Variants in ZDHHC11B observed in about 807,000 individuals in gnomAD.
The protein encoded by ZDHHC11B is probable palmitoyltransferase ZDHHC11B.
ZDHHC11B carries 17 observed loss-of-function variants against 42.3 expected under a neutral mutation model. The ratio of observed to expected loss-of-function variants is 0.40; its 90% CI spans 0.27 to 0.60. The LOEUF is 0.60. ZDHHC11B is among the 20% of genes least tolerant of loss of function. The probability of loss-of-function intolerance (pLI) is 0.41; values close to 1 mark genes in which losing one functional copy is unlikely to be tolerated. For missense variants in ZDHHC11B, 262 were observed against 463.2 expected, an observed-to-expected ratio of 0.57 and a Z score of 3.99; for synonymous variants, 123 against 193.5, an observed-to-expected ratio of 0.64 and a Z score of 3.02.
chr5:717,982 A>T (rs41447549), intron 12 of ZDHHC11B, among the ~76,000 whole-genome samples: 3,116 of 151,190 alleles, frequency 0.021, 17 homozygotes, highest in African/African-American at 0.073. Context: ...AGAGAAGTGC[A>T]AGGAAAAATT....
At chr5:748,128 C>T (rs57785304) in intron 8 of ZDHHC11B, 40,938 of 543,024 alleles carry the variant, frequency 0.075, 5,875 homozygotes, top group African/African-American at 0.27. Context: ...TTCAAGCACC[C>T]GGCAGCGCTC....
chr5:770,262 G>T (rs1454775556), intron 1 of ZDHHC11B, among the ~76,000 whole-genome samples: 1 of 150,224 alleles, frequency 6.7e-6, no homozygotes, highest in Non-Finnish European at 1.5e-5. Context: ...TGGGCGTGAG[G>T]CCCCTCAGAC....
intron 10 of ZDHHC11B, among the ~76,000 whole-genome samples, chr5:739,169 C>G (rs1476223050): frequency 2.7e-5 from 4 of 150,646 alleles, no homozygotes. Context: ...GAGGCTGGGG[C>G]AGGCAGATCA....
chr5:751,452 C>T (rs1413080934), intron 6 of ZDHHC11B, among the ~76,000 whole-genome samples, 195 bp from the exon 7 acceptor site: 1 of 22,580 alleles, frequency 4.4e-5, no homozygotes, highest in African/African-American at 1.5e-4. Context: ...GGCAGGGACA[C>T]GCAGGGCATC....
Position 729,012 on chromosome 5 carries a change from C to CA in ZDHHC11B, c.1058+1421dup, listed in dbSNP as rs751272226. On this transcript the variant is annotated intron_variant, in intron 12 of 13. Transcript: ENST00000508859. Reference sequence around the variant, plus strand: ...TGGGTGACAGAGAAAGACCCTGTCTCAAAAAAAAAAAAAAATGTTGCTCCA... The same window carrying CA: ...TGGGTGACAGAGAAAGACCCTGTCTCAAAAAAAAAAAAAAAATGTTGCTCCA... 2.8e-3 allele frequency among the ~76,000 whole-genome samples: 377 copies of CA among 134,736 alleles called. 1 individual carries two copies. Among genetic ancestry groups the CA allele is most frequent in the Middle Eastern group, 0.012 (3 of 250 alleles). 88.4% of individuals were successfully genotyped at this position (134,736 alleles called of 152,430 possible).
At chr5:778,845 G>A (rs373273036) in intron 1 of ZDHHC11B, among the ~76,000 whole-genome samples, 8,532 of 101,354 alleles carry the variant, frequency 0.084, 19 homozygotes, top group African/African-American at 0.17. Context: ...CAAAATCCAC[G>A]CTGGAACCTA....
intron 13 of ZDHHC11B, among the ~76,000 whole-genome samples, chr5:714,176 G>T (rs1222153508): frequency 7.6e-6 from 1 of 130,764 alleles, no homozygotes. Flanking sequence ...CCTTGTAAGT[G>T]ACTTGCCACA....
intron 4 of ZDHHC11B, among the ~76,000 whole-genome samples, chr5:766,312 T>C (rs1735359966): frequency 6.6e-6 from 1 of 150,876 alleles, no homozygotes; most frequent in Non-Finnish European, 1.5e-5. Context: ...CCCCTGCCGC[T>C]GGAAGATGGG....
chr5:778,623 G>A (rs1267389291), intron 1 of ZDHHC11B, among the ~76,000 whole-genome samples: 7 of 152,232 alleles, frequency 4.6e-5, no homozygotes. Context: ...AGGCAGCTGG[G>A]ACCAGGCCAG....
chr5:758,594 G>A (rs1160605087), intron 4 of ZDHHC11B, among the ~76,000 whole-genome samples: 3 of 151,716 alleles, frequency 2.0e-5, no homozygotes, highest in Non-Finnish European at 4.4e-5. Context: ...TCCCGAGCCA[G>A]TCCCCAAACC....
At chr5:759,536 A>G (rs1216548333) in intron 4 of ZDHHC11B, among the ~76,000 whole-genome samples, 4 of 151,982 alleles carry the variant, frequency 2.6e-5, no homozygotes, top group African/African-American at 9.7e-5. Flanking sequence ...CAGATTAAAC[A>G]GAGTTACAGA....
chr5:763,093 GGC>G (rs2150208031), intron 4 of ZDHHC11B, among the ~76,000 whole-genome samples: 1 of 152,026 alleles, frequency 6.6e-6, no homozygotes, highest in South Asian at 2.1e-4. Flanking sequence ...CTATCAGCTA[GGC>G]GCGGTGGCTC....
Position 710,804 on chromosome 5 carries a change from GAATACTGT to G in ZDHHC11B, c.*1478_*1485del. 1 of 76,810 alleles carries G rather than the reference GAATACTGT, an allele frequency of 1.3e-5. No homozygotes were observed. Among genetic ancestry groups the G allele is most frequent in the East Asian group, 4.4e-4 (1 of 2,252 alleles). The allele number at this position is 76,810 out of a possible 1,614,324, so 4.8% of individuals were successfully genotyped here. On this transcript the variant is annotated 3_prime_UTR_variant, in exon 14 of 14. Coordinates refer to ENST00000508859, the MANE Select transcript of ZDHHC11B (RefSeq NM_001351303.2). ...TTCCCAGTACTGTGCTCCCATTTCCGAATACTGTGCTCCCATTTCCCAGTACTGTGAGC... is the reference window on the plus strand; with the variant it reads ...TTCCCAGTACTGTGCTCCCATTTCCGGCTCCCATTTCCCAGTACTGTGAGC...
chr5:737,234 A>C (rs1299580235), intron 10 of ZDHHC11B, among the ~76,000 whole-genome samples: 2 of 147,978 alleles, frequency 1.4e-5, no homozygotes, highest in East Asian at 4.2e-4. Flanking sequence ...AACTTCCTGG[A>C]AATATACAAC....
intron 10 of ZDHHC11B, among the ~76,000 whole-genome samples, chr5:739,144 ATCCCAG>A (rs145151428): frequency 0.04 from 5,960 of 148,344 alleles, 435 homozygotes; most frequent in African/African-American, 0.15. Context: ...CATGTCTGTA[ATCCCAG>A]TCCTTACAGA....
Position 773,438 on chromosome 5 carries a change from G to A in ZDHHC11B, c.-229-4508C>T, listed in dbSNP as rs1344735599. ...ATGGGGTCCAAGGACAAGCTCCCAG[G>A]CGTGTACCCACCATCTCCACGTGTG... On this transcript the variant is annotated intron_variant, in intron 1 of 13. Coordinates refer to ENST00000508859, the MANE Select transcript of ZDHHC11B (RefSeq NM_001351303.2). 2.6e-5 allele frequency among the ~76,000 whole-genome samples: 4 copies of A among 151,890 alleles called. 1 individual carries two copies. The highest frequency in any genetic ancestry group is 9.7e-5 in the African/African-American group (4 of 41,350).
At chr5:742,716 T>C (rs1470361875) in intron 9 of ZDHHC11B, among the ~76,000 whole-genome samples, 1 of 150,010 alleles carries the variant, frequency 6.7e-6, no homozygotes, top group Admixed American at 6.8e-5. Flanking sequence ...GTGACTTGCT[T>C]TACTGACATG....
intron 1 of ZDHHC11B, among the ~76,000 whole-genome samples, chr5:774,120 C>T (rs1213319086): frequency 1.6e-4 from 24 of 152,100 alleles, no homozygotes; most frequent in African/African-American, 5.5e-4. Flanking sequence ...CCGCAGGCCA[C>T]CTTGGCCCCA....
chr5:730,100 A>C (rs1178296263), intron 12 of ZDHHC11B, among the ~76,000 whole-genome samples: 2 of 151,692 alleles, frequency 1.3e-5, no homozygotes. Flanking sequence ...TTGAAATGAC[A>C]AGATCTGACT....
Sources: gnomAD v4.1 joint callset for allele counts (sites outside exome capture counted in the v4.1 genomes callset) on GRCh38, gnomAD v4.1.1 for gene constraint, MANE v1.5 for transcripts, NCBI Gene and HGNC (gene_info 2026-07-23, HGNC 2026-07-21) for gene names.